Variants in SIPA1L1 observed in about 807,000 individuals in gnomAD.
The protein encoded by SIPA1L1 is signal-induced proliferation-associated 1-like protein 1.
A neutral mutation model predicts 162.7 loss-of-function variants in SIPA1L1; 26 were observed. That is an observed-to-expected ratio of 0.16 (90% CI 0.12 to 0.22). The LOEUF (loss-of-function observed/expected upper bound fraction) is 0.22, where lower values mean the gene tolerates loss of function less well. Among genes scored for constraint, SIPA1L1 ranks in the 10% least tolerant of loss-of-function variants. The pLI, the probability that SIPA1L1 is intolerant of heterozygous loss-of-function variation, is 1.00. For missense variants in SIPA1L1, 1,874 were observed against 2,241.0 expected, an observed-to-expected ratio of 0.84 and a Z score of 3.31; for synonymous variants, 829 against 837.4, an observed-to-expected ratio of 0.99 and a Z score of 0.17.
At chr14:71,527,998 G>C (rs1424402656) in intron 3 of SIPA1L1, among the ~76,000 whole-genome samples, 1 of 152,002 alleles carries the variant, frequency 6.6e-6, no homozygotes, top group African/African-American at 2.4e-5. Flanking sequence ...AGCGATTTTC[G>C]TGCCTGGGTC....
At chr14:71,737,829 C>G (rs762649624) in intron 22 of SIPA1L1, among the ~76,000 whole-genome samples, 54 of 152,154 alleles carry the variant, frequency 3.5e-4, no homozygotes, top group Non-Finnish European at 6.8e-4. Flanking sequence ...TCCCCAGCTT[C>G]CTTCCCACAC....
intron 20 of SIPA1L1, among the ~76,000 whole-genome samples, chr14:71,732,987 C>T (rs1481648716): frequency 6.6e-6 from 1 of 152,114 alleles, no homozygotes; most frequent in African/African-American, 2.4e-5. Context: ...CTGAGGCAGG[C>T]GGATTACGAG....
At position 71,588,811 on chromosome 14, in the gene SIPA1L1, T is replaced by G. The variant is rs2034913690; in HGVS notation, c.939T>G (p.Leu313=). 6.2e-7 allele frequency: 1 copy of G among 1,614,136 alleles called. No homozygotes were observed. Among genetic ancestry groups the G allele is most frequent in the East Asian group, 2.2e-5 (1 of 44,868 alleles). ...AAGAACTTGGGAAGTCATCAGATCT[T>G]GAAGATAACCGATCAGAAGACTCTG... The part of the protein sequence containing the change: ...KGEELGKSSD[L]EDNRSEDSVR... The change falls in exon 5 of 24, where the codon CTT becomes CTG. Residue 313 remains leucine, a synonymous_variant. Coordinates refer to ENST00000381232, the MANE Select transcript of SIPA1L1 (RefSeq NM_001386936.1). This position sits in a 1 kb window ranked among gnomAD's most constrained non-coding sequence, Gnocchi z 4.3.
chr14:71,627,897 CTTTT>C (rs945583619), intron 7 of SIPA1L1, among the ~76,000 whole-genome samples: 1 of 152,110 alleles, frequency 6.6e-6, no homozygotes. Flanking sequence ...GAATTACTTT[CTTTT>C]TAATTTCTTT....
intron 4 of SIPA1L1, among the ~76,000 whole-genome samples, chr14:71,541,465 A>G (rs886964646): frequency 1.3e-5 from 2 of 152,196 alleles, no homozygotes; most frequent in Non-Finnish European, 2.9e-5. Flanking sequence ...TTCTTTCTAT[A>G]AAAGTTAATC....
At position 71,635,082 on chromosome 14, in the gene SIPA1L1, A is replaced by T. The variant is rs529412019; in HGVS notation, c.1818+10846A>T. Among the ~76,000 whole-genome samples, 154 of 152,312 alleles carry T rather than the reference A, an allele frequency of 1.0e-3. 2 individuals are homozygous for T. The highest frequency in any genetic ancestry group is 3.5e-3 in the African/African-American group (145 of 41,570). On this transcript the variant is annotated intron_variant, in intron 7 of 23. Coordinates refer to ENST00000381232, the MANE Select transcript of SIPA1L1 (RefSeq NM_001386936.1). ...CACCTGACATCAGGAGTTCGAGACC[A>T]GCCTGCCTAACATGGTGAAACCCCG...
Position 71,343,087 on chromosome 14 carries a change from T to C in SIPA1L1, c.-465+21906T>C, listed in dbSNP as rs551836513. Among the ~76,000 whole-genome samples the C allele has an allele frequency of 3.3e-5, 5 of 152,344 alleles. No homozygotes were observed. In the South Asian group the frequency reaches 1.0e-3, roughly 32 times the overall value. Reference sequence around the variant, plus strand: ...TTATCATCCTGTTCTTGGTTTACCATTGCAACAATAAATCACCTTGATTGG... The same window carrying C: ...TTATCATCCTGTTCTTGGTTTACCACTGCAACAATAAATCACCTTGATTGG... On this transcript the variant is annotated intron_variant, in intron 2 of 23. Coordinates refer to ENST00000381232, the MANE Select transcript of SIPA1L1 (RefSeq NM_001386936.1).
chr14:71,577,325 T>G (rs2033206945), intron 4 of SIPA1L1, among the ~76,000 whole-genome samples: 1 of 152,048 alleles, frequency 6.6e-6, no homozygotes, highest in South Asian at 2.1e-4. Flanking sequence ...CTACCATAAA[T>G]TTTGTAACCA....
intron 7 of SIPA1L1, among the ~76,000 whole-genome samples, chr14:71,631,318 G>A (rs775607002): frequency 8.6e-5 from 13 of 151,656 alleles, no homozygotes; most frequent in Non-Finnish European, 1.5e-4. Flanking sequence ...GATTTTTTTC[G>A]TCAGTACATA....
At position 71,387,798 on chromosome 14, in the gene SIPA1L1, T is replaced by G. The variant is rs2040456079; in HGVS notation, c.-465+66617T>G. On this transcript the variant is annotated intron_variant, in intron 2 of 23. Transcript: ENST00000381232. ...CATCGTAACCCTTCGTTGCTTAAAT[T>G]ATTGGATTTTGTGTCTTTCTTGTTT... 2.0e-5 allele frequency among the ~76,000 whole-genome samples: 3 copies of G among 152,212 alleles called. No individual in the cohort carries two copies. The South Asian group carries it at 6.2e-4, about 32-fold the overall frequency.
In SIPA1L1 at chr14:71,377,766, G is replaced by A. The variant is rs952562897; in HGVS notation, c.-465+56585G>A. ...GAGGCGGGCAGATCACCCGAGTTCA[G>A]GAGCTGGAGACCAGTCCGGCCAACA... On this transcript the variant is annotated intron_variant, in intron 2 of 23. Transcript: ENST00000381232. This position sits in a 1 kb window ranked among gnomAD's most constrained non-coding sequence, Gnocchi z 4.8. 5.3e-5 allele frequency among the ~76,000 whole-genome samples: 8 copies of A among 152,258 alleles called. No homozygotes were observed. Among genetic ancestry groups the A allele is most frequent in the African/African-American group, 1.9e-4 (8 of 41,472 alleles).
chr14:71,338,562 G>A (rs868445200), intron 2 of SIPA1L1, among the ~76,000 whole-genome samples: 2 of 152,010 alleles, frequency 1.3e-5, no homozygotes, highest in African/African-American at 2.4e-5. Context: ...TATCTGTCTC[G>A]AGTGTCACAG....
chr14:71,730,089 C>T lies in SIPA1L1; in HGVS notation c.4649C>T (p.Pro1550Leu), dbSNP rs753895906. 3.7e-5 allele frequency: 60 copies of T among 1,614,160 alleles called. No homozygotes were observed. Among genetic ancestry groups the T allele is most frequent in the Non-Finnish European group, 5.1e-5 (60 of 1,180,030 alleles). The part of the protein sequence containing the change: ...HALSSPQSPF[P>L]STPTSRRALH... ...CTCTCCTCTCCTCAGTCTCCTTTCC[C>T]CAGCACCCCCACCTCACGGCGGGCC... The change falls in exon 20 of 24, where the codon CCC (proline) becomes CTC (leucine). Residue 1550 changes from proline (P) to leucine (L), a missense_variant. Coordinates refer to ENST00000381232, the MANE Select transcript of SIPA1L1 (RefSeq NM_001386936.1).
Position 71,454,305 on chromosome 14 carries a change from A to G in SIPA1L1, c.-464-58438A>G, listed in dbSNP as rs550019489. ...TTATGATTTTACTTGCGGAAAAACT[A>G]TAGTATTTAGAACCTTTGGTTTAAA... On this transcript the variant is annotated intron_variant, in intron 2 of 23. Coordinates refer to ENST00000381232, the MANE Select transcript of SIPA1L1 (RefSeq NM_001386936.1). Among the ~76,000 whole-genome samples, 4 of 152,304 alleles carry G rather than the reference A, an allele frequency of 2.6e-5. No homozygotes were observed. The East Asian group carries it at 5.8e-4, about 22-fold the overall frequency.
chr14:71,340,287 T>C (rs1467656009), intron 2 of SIPA1L1, among the ~76,000 whole-genome samples: 1 of 151,970 alleles, frequency 6.6e-6, no homozygotes, highest in Non-Finnish European at 1.5e-5. Context: ...TTTCACAGAG[T>C]TGGTGTGTGA....
chr14:71,391,098 A>G (rs973051114), intron 2 of SIPA1L1, among the ~76,000 whole-genome samples: 2 of 141,336 alleles, frequency 1.4e-5, no homozygotes, highest in African/African-American at 5.1e-5. Context: ...GCCTGTATTC[A>G]GTATCTTTTT....
chr14:71,336,996 C>G (rs1188400726), intron 2 of SIPA1L1, among the ~76,000 whole-genome samples: 1 of 152,152 alleles, frequency 6.6e-6, no homozygotes, highest in Non-Finnish European at 1.5e-5. Flanking sequence ...CTTTCTGACC[C>G]GTTTGACTCC....
intron 2 of SIPA1L1, among the ~76,000 whole-genome samples, chr14:71,326,740 T>C (rs368681452): frequency 7.0e-6 from 1 of 142,166 alleles, no homozygotes; most frequent in African/African-American, 2.6e-5. Context: ...TTTTTTGAGA[T>C]GGAGTCTGTT....
At chr14:71,357,059 A>T (rs1211007693) in intron 2 of SIPA1L1, among the ~76,000 whole-genome samples, 1 of 152,080 alleles carries the variant, frequency 6.6e-6, no homozygotes. Context: ...TTTTAAAAAA[A>T]TTTTATGTGT....
Sources: gnomAD v4.1 joint callset for allele counts (sites outside exome capture counted in the v4.1 genomes callset) on GRCh38, gnomAD v4.1.1 for gene constraint, Gnocchi (gnomAD v3.1) non-coding constraint, MANE v1.5 for transcripts, NCBI Gene and HGNC (gene_info 2026-07-23, HGNC 2026-07-21) for gene names.